The following NBEAL1 variants were observed in gnomAD, a reference collection of about 807,000 sequenced individuals.
NBEAL1 encodes the protein neurobeachin-like protein 1.
A neutral mutation model predicts 351.3 loss-of-function variants in NBEAL1; 273 were observed. That is an observed-to-expected ratio of 0.78 (90% CI 0.70 to 0.86). The LOEUF (loss-of-function observed/expected upper bound fraction) is 0.86, where lower values mean the gene tolerates loss of function less well. Ranked by LOEUF, NBEAL1 falls within the 40% of genes least tolerant of loss-of-function variation. The pLI, the probability that NBEAL1 is intolerant of heterozygous loss-of-function variation, is 0.00. For synonymous variants in NBEAL1, 1,050 were observed against 1,086.4 expected, an observed-to-expected ratio of 0.97 and a Z score of 0.66; for missense variants, 2,961 against 3,201.3, an observed-to-expected ratio of 0.92 and a Z score of 1.81.
At chr2:203,176,208 C>T (rs1490959902) in intron 42 of NBEAL1, among the ~76,000 whole-genome samples, 1 of 136,770 alleles carries the variant, frequency 7.3e-6, no homozygotes, top group Non-Finnish European at 1.5e-5. Context: ...GAGTCTCACT[C>T]CTTCACCCAG....
chr2:203,169,182 G>A (rs1257190080), intron 38 of NBEAL1, among the ~76,000 whole-genome samples: 2 of 151,742 alleles, frequency 1.3e-5, no homozygotes, highest in African/African-American at 4.8e-5. Context: ...GTACAATAGG[G>A]TAATTAAAAC....
At chr2:203,143,818 C>A (rs1177271040) in intron 31 of NBEAL1, among the ~76,000 whole-genome samples, 1 of 152,022 alleles carries the variant, frequency 6.6e-6, no homozygotes, top group Non-Finnish European at 1.5e-5. Flanking sequence ...TTATGTCTTC[C>A]TCCAGAGAAA....
rs1407728310 is a variant in NBEAL1, at chr2:203,175,354, G to A, written c.6464+67G>A. ...AGTGTTGAAAACTGTTTGCCTTCATGTCATGTACTGTGTAACATGTCTTTT... is the reference window on the plus strand; with the variant it reads ...AGTGTTGAAAACTGTTTGCCTTCATATCATGTACTGTGTAACATGTCTTTT... On this transcript the variant is annotated intron_variant, in intron 42 of 55. Transcript: ENST00000683969. 15 of 1,478,676 alleles carry A rather than the reference G, an allele frequency of 1.0e-5. No homozygotes were observed. In the African/African-American group the frequency reaches 1.7e-4, roughly 17 times the overall value. 91.6% of individuals were successfully genotyped at this position (1,478,676 alleles called of 1,614,324 possible).
chr2:203,126,893 A>C lies in NBEAL1; in HGVS notation c.3215A>C (p.Gln1072Pro), dbSNP rs1357166816. 1.3e-6 allele frequency: 2 copies of C among 1,552,078 alleles called. No homozygotes were observed. Among genetic ancestry groups the C allele is most frequent in the African/African-American group, 1.4e-5 (1 of 73,276 alleles). The change falls in exon 23 of 56, where the codon CAG (glutamine) becomes CCG (proline). Residue 1072 changes from glutamine to proline, a missense_variant. Transcript: ENST00000683969. ...RRVFRKKYGV[Q>P]FLLDTLRIYY... ...GTTTTCCGAAAGAAGTATGGTGTGC[A>C]GTTTCTCCTAGATACACTTAGGATT...
chr2:203,171,234 G>A (rs1170767029), intron 39 of NBEAL1, among the ~76,000 whole-genome samples: 2 of 152,052 alleles, frequency 1.3e-5, no homozygotes, highest in Admixed American at 6.6e-5. Context: ...CTCCAGCCTG[G>A]GCAACAAGAG....
At chr2:203,082,677 C>T (rs1409145542) in intron 8 of NBEAL1, among the ~76,000 whole-genome samples, 1 of 152,168 alleles carries the variant, frequency 6.6e-6, no homozygotes, top group African/African-American at 2.4e-5. Flanking sequence ...CTTAGAGAGA[C>T]TTAATCGATT....
At chr2:203,042,554 G>A (rs1205302870) in intron 3 of NBEAL1, among the ~76,000 whole-genome samples, 2 of 151,526 alleles carry the variant, frequency 1.3e-5, no homozygotes, top group East Asian at 1.9e-4. Context: ...TGGTGAGGCT[G>A]AAAGTTCCAG....
Position 203,149,087 on chromosome 2 carries a change from C to G in NBEAL1, c.5401C>G (p.Leu1801Val). The change falls in exon 34 of 56, where the codon CTT becomes GTT. Residue 1801 changes from leucine (L) to valine (V), a missense_variant. By Grantham distance (32) the Leu-to-Val change is conservative. Coordinates refer to ENST00000683969, the MANE Select transcript of NBEAL1 (RefSeq NM_001378026.1). The stretch of plus-strand genomic sequence containing the variant: ...ACTTAGCAGTCAACAGTTAGCCACT[C>G]TTAGACGCTGGAAAGCAATACAGCT... ...KQLSSQQLAT[L>V]RRWKAIQLYL... The G allele has an allele frequency of 6.2e-7, 1 of 1,612,988 alleles. No homozygotes were observed. Among genetic ancestry groups the G allele is most frequent in the Non-Finnish European group, 8.5e-7 (1 of 1,179,282 alleles).
intron 9 of NBEAL1, among the ~76,000 whole-genome samples, chr2:203,084,198 A>G (rs2061924064): frequency 6.6e-6 from 1 of 152,164 alleles, no homozygotes; most frequent in Admixed American, 6.5e-5. Context: ...AAACGTTTTC[A>G]TTAGAGCTAA....
Position 203,144,794 on chromosome 2 carries a change from C to A in NBEAL1, c.5043C>A (p.Phe1681Leu), listed in dbSNP as rs1347056873. ...TLVSKIYELL[F>L]MNLHLPSLPF... The stretch of plus-strand genomic sequence containing the variant: ...TTTCCAAAATTTATGAGCTTCTCTT[C>A]ATGAACTTGCACCTACCTTCTTTAC... The change falls in exon 32 of 56, where the codon TTC becomes TTA. Residue 1681 changes from phenylalanine (F) to leucine (L), a missense_variant. Transcript: ENST00000683969. The A allele has an allele frequency of 3.7e-6, 6 of 1,614,112 alleles. No individual in the cohort carries two copies. In the South Asian group the frequency reaches 6.6e-5, roughly 18 times the overall value.
chr2:203,023,724 G>A (rs1342700568), intron 2 of NBEAL1, among the ~76,000 whole-genome samples: 1 of 151,742 alleles, frequency 6.6e-6, no homozygotes, highest in African/African-American at 2.4e-5. Context: ...TTCCATGTTT[G>A]TGGGACATTC....
rs978899634 is a variant in NBEAL1 at position 203,217,808 on chromosome 2, G to A, written c.*454G>A. The A allele has an allele frequency of 2.0e-6, 2 of 984,266 alleles. No homozygotes were observed. The highest frequency in any genetic ancestry group is 1.2e-6 in the Non-Finnish European group (1 of 829,064). The allele number at this position is 984,266 out of a possible 1,614,324, so 61.0% of individuals were successfully genotyped here. A position where few individuals can be genotyped will look rare whatever the true frequency, so the allele number is the denominator to read the frequency against. On this transcript the variant is annotated 3_prime_UTR_variant, in exon 56 of 56. Coordinates refer to ENST00000683969, the MANE Select transcript of NBEAL1 (RefSeq NM_001378026.1). ...CCTGATTGGGGATAATATTTTAAAG[G>A]TATCTGTTGCACACTTGGATTTTCA...
intron 50 of NBEAL1, 87 bp downstream of exon 50, chr2:203,201,802 A>G: frequency 9.0e-7 from 1 of 1,107,244 alleles, no homozygotes; most frequent in East Asian, 2.6e-5. Flanking sequence ...TGTAAAGAGC[A>G]TTAAATTTTA....
At chr2:203,031,697 G>A (rs572019791) in intron 2 of NBEAL1, among the ~76,000 whole-genome samples, 104 of 152,244 alleles carry the variant, frequency 6.8e-4, no homozygotes, top group African/African-American at 2.4e-3. Flanking sequence ...TCTTGAAATG[G>A]GGGAAAAATT....
chr2:203,131,889 T>C lies in NBEAL1; in HGVS notation c.3565-84T>C. 4 of 958,268 alleles carry C rather than the reference T, an allele frequency of 4.2e-6. No homozygotes were observed. The South Asian group carries it at 7.0e-5, about 17-fold the overall frequency. 59.4% of individuals were successfully genotyped at this position (958,268 alleles called of 1,614,324 possible). A position where few individuals can be genotyped will look rare whatever the true frequency, so the allele number is the denominator to read the frequency against. On this transcript the variant is annotated intron_variant, in intron 25 of 55. Coordinates refer to ENST00000683969, the MANE Select transcript of NBEAL1 (RefSeq NM_001378026.1). ...AATAAATACTAACATTAATATTTAATGTTAATAAGTTAACATTTTTAATGT... is the reference window on the plus strand; with the variant it reads ...AATAAATACTAACATTAATATTTAACGTTAATAAGTTAACATTTTTAATGT...
chr2:203,203,118 T>C (rs1367786189), intron 51 of NBEAL1, among the ~76,000 whole-genome samples: 1 of 152,180 alleles, frequency 6.6e-6, no homozygotes, highest in African/African-American at 2.4e-5. Flanking sequence ...ATCAACCTGA[T>C]TGCATTCTCA....
intron 8 of NBEAL1, among the ~76,000 whole-genome samples, chr2:203,082,268 C>T (rs2061887446): frequency 6.6e-6 from 1 of 152,096 alleles, no homozygotes; most frequent in Admixed American, 6.5e-5. Context: ...TGAATTTATT[C>T]TGGGTGGCCA....
chr2:203,050,018 G>A, intron 4 of NBEAL1, 43 bp downstream of exon 4: 2 of 1,526,842 alleles, frequency 1.3e-6, no homozygotes, highest in Non-Finnish European at 1.8e-6. Flanking sequence ...TCATAGGTGG[G>A]AGTTGAACAA....
At chr2:203,069,922 G>T (rs1217535629) in intron 7 of NBEAL1, among the ~76,000 whole-genome samples, 1 of 152,014 alleles carries the variant, frequency 6.6e-6, no homozygotes, top group Admixed American at 6.6e-5. Flanking sequence ...AGCCTCTCCA[G>T]GTATTGAGAT....
Sources: allele counts gnomAD v4.1 joint callset (sites outside exome capture counted in the v4.1 genomes callset), GRCh38; gene constraint gnomAD v4.1.1; transcripts MANE v1.5; gene names NCBI Gene and HGNC (gene_info 2026-07-23, HGNC 2026-07-21).